ACOT7: variants seen among roughly 807,000 people sequenced by gnomAD.
The protein encoded by ACOT7 is cytosolic acyl coenzyme A thioester hydrolase.
A neutral mutation model predicts 40.2 loss-of-function variants in ACOT7; 12 were observed. The observed-to-expected ratio is 0.30, with a 90% CI of 0.19 to 0.48. The LOEUF (loss-of-function observed/expected upper bound fraction) is 0.48, where lower values mean the gene tolerates loss of function less well. Ranked by LOEUF, ACOT7 falls within the 20% of genes least tolerant of loss-of-function variation. ACOT7 has a pLI of 0.99. For synonymous variants in ACOT7, 228 were observed against 219.5 expected (o/e 1.04, Z -0.34); for missense variants, 395 against 530.8 (o/e 0.74, Z 2.51).
Position 6,275,090 on chromosome 1 carries a change from AC to A in ACOT7, c.1014+6011del, listed in dbSNP as rs1218276196. Reference sequence around the variant, plus strand: ...ATGGGAAGCATCTGTGAGCAGACACACCAGCTCGCAGAGGGGTTGGCGTTCC... The same window carrying A: ...ATGGGAAGCATCTGTGAGCAGACACACAGCTCGCAGAGGGGTTGGCGTTCC... On this transcript the variant is annotated intron_variant, in intron 8 of 8. Coordinates refer to ENST00000361521, the MANE Select transcript of ACOT7 (RefSeq NM_007274.4). The surrounding 1 kb of genome is among the most constrained non-coding windows in gnomAD (Gnocchi z 5.6). Among the ~76,000 whole-genome samples the A allele has an allele frequency of 6.6e-6, 1 of 152,136 alleles. No homozygotes were observed. Among genetic ancestry groups the A allele is most frequent in the Non-Finnish European group, 1.5e-5 (1 of 68,006 alleles).
At chr1:6,285,097 G>T (rs762228202) in intron 7 of ACOT7, among the ~76,000 whole-genome samples, 1 of 152,214 alleles carries the variant, frequency 6.6e-6, no homozygotes, top group African/African-American at 2.4e-5. Flanking sequence ...GAAGTCCCAC[G>T]AGGGCAGGGC....
intron 6 of ACOT7, among the ~76,000 whole-genome samples, chr1:6,305,109 G>T (rs1263768792): frequency 8.3e-5 from 12 of 144,964 alleles, no homozygotes; most frequent in South Asian, 2.2e-4. Flanking sequence ...GGGGCGGCTG[G>T]CCGGGCAGAG....
Position 6,303,841 on chromosome 1 carries a change from T to C in ACOT7, c.713-8861A>G, listed in dbSNP as rs141915774. On this transcript the variant is annotated intron_variant, in intron 6 of 8. Transcript: ENST00000361521. The stretch of plus-strand genomic sequence containing the variant: ...GGTTCCCGGACGTCTGGGAGCATCA[T>C]AGACCCAGGGAGAAGGGCCAAGAGC... 3.8e-3 allele frequency among the ~76,000 whole-genome samples: 571 copies of C among 152,250 alleles called. 4 individuals are homozygous for C. The highest frequency in any genetic ancestry group is 0.013 in the African/African-American group (541 of 41,542).
rs934949282 is a variant in ACOT7, at chr1:6,306,510, C to T, written c.713-11530G>A. 4 of 985,236 alleles carry T rather than the reference C, an allele frequency of 4.1e-6. No homozygotes were observed. The highest frequency in any genetic ancestry group is 3.6e-6 in the Non-Finnish European group (3 of 829,932). The allele number at this position is 985,236 out of a possible 1,614,324, so 61.0% of individuals were successfully genotyped here. ...CACCAGTCCCCACGTCCCGCTCCCCCGCTGAAGCATCAGGATGGACGTGAA... is the reference window on the plus strand; with the variant it reads ...CACCAGTCCCCACGTCCCGCTCCCCTGCTGAAGCATCAGGATGGACGTGAA... On this transcript the variant is annotated intron_variant, in intron 6 of 8. Coordinates refer to ENST00000361521, the MANE Select transcript of ACOT7 (RefSeq NM_007274.4). This position sits in a 1 kb window ranked among gnomAD's most constrained non-coding sequence, Gnocchi z 4.3.
At chr1:6,365,463 C>A (rs1019588669) in intron 1 of ACOT7, among the ~76,000 whole-genome samples, 2 of 151,978 alleles carry the variant, frequency 1.3e-5, no homozygotes, top group Non-Finnish European at 2.9e-5. Flanking sequence ...AAAGTATATA[C>A]CTTCATTTAA....
chr1:6,265,195 C>G (rs1638785667), intron 8 of ACOT7, among the ~76,000 whole-genome samples: 1 of 152,168 alleles, frequency 6.6e-6, no homozygotes, highest in African/African-American at 2.4e-5. Flanking sequence ...GAAAGCTGCA[C>G]ACAGTCACCA....
At chr1:6,353,228 A>G (rs1212900113) in intron 1 of ACOT7, among the ~76,000 whole-genome samples, 1 of 151,910 alleles carries the variant, frequency 6.6e-6, no homozygotes, top group Non-Finnish European at 1.5e-5. Flanking sequence ...CTGAGGTAGG[A>G]GGATCACTTG....
rs995464075 is a variant in ACOT7, at chr1:6,358,138, A to G, written c.144-8272T>C. On this transcript the variant is annotated intron_variant, in intron 1 of 8. Coordinates refer to ENST00000361521, the MANE Select transcript of ACOT7 (RefSeq NM_007274.4). The surrounding 1 kb of genome is among the most constrained non-coding windows in gnomAD (Gnocchi z 4.1). ...CCTGCCTCGGCCTCCCAAAGTGCTG[A>G]GATTACAGGCGTGAGTCACAGAGTC... 3.3e-4 allele frequency among the ~76,000 whole-genome samples: 50 copies of G among 151,778 alleles called. 1 individual carries two copies. The highest frequency in any genetic ancestry group is 3.3e-3 in the Admixed American group (50 of 15,236).
intron 4 of ACOT7, among the ~76,000 whole-genome samples, chr1:6,329,728 G>A (rs1222003647): frequency 6.6e-6 from 1 of 151,958 alleles, no homozygotes; most frequent in East Asian, 1.9e-4. Flanking sequence ...AAACCCAACT[G>A]ATCTGAAGCA....
chr1:6,342,412 C>T (rs575154963), intron 2 of ACOT7, among the ~76,000 whole-genome samples: 3 of 152,286 alleles, frequency 2.0e-5, no homozygotes, highest in African/African-American at 7.2e-5. Context: ...GAAAGACTTC[C>T]TTATCCTTTC....
chr1:6,266,867 A>G (rs1050849438), intron 8 of ACOT7, among the ~76,000 whole-genome samples: 2 of 152,232 alleles, frequency 1.3e-5, no homozygotes, highest in African/African-American at 4.8e-5. Flanking sequence ...GCGACAAGGC[A>G]ACAGGACCTG....
At chr1:6,286,142 G>A (rs927522637) in intron 7 of ACOT7, among the ~76,000 whole-genome samples, 32 of 152,336 alleles carry the variant, frequency 2.1e-4, no homozygotes, top group African/African-American at 7.5e-4. Context: ...TGCTGCCTTG[G>A]GATGGCTCCA....
intron 1 of ACOT7, among the ~76,000 whole-genome samples, chr1:6,364,293 G>C (rs936078622): frequency 2.6e-5 from 4 of 152,118 alleles, no homozygotes; most frequent in Non-Finnish European, 5.9e-5. Flanking sequence ...TGTAATCCCA[G>C]CACTTTGGGA....
chr1:6,382,232 C>T (rs1232711041), intron 1 of ACOT7, among the ~76,000 whole-genome samples: 1 of 151,444 alleles, frequency 6.6e-6, no homozygotes, highest in Non-Finnish European at 1.5e-5. Flanking sequence ...GGGGAAACCC[C>T]GTCTCTACTA....
intron 4 of ACOT7, among the ~76,000 whole-genome samples, chr1:6,328,780 C>T (rs746298001): frequency 7.9e-5 from 12 of 152,346 alleles, no homozygotes; most frequent in Non-Finnish European, 1.3e-4. Flanking sequence ...ATTTCTTGGA[C>T]GTAACAGACG....
At chr1:6,292,702 G>A (rs1204977727) in intron 7 of ACOT7, among the ~76,000 whole-genome samples, 3 of 142,688 alleles carry the variant, frequency 2.1e-5, no homozygotes, top group Non-Finnish European at 4.5e-5. Context: ...TTTTTTTTGC[G>A]ACAGATTCTT....
Position 6,333,589 on chromosome 1 carries a change from T to C in ACOT7, c.419-21A>G, listed in dbSNP as rs371496601. The C allele has an allele frequency of 1.1e-5, 18 of 1,612,726 alleles. No homozygotes were observed. In the Admixed American group the frequency reaches 1.7e-4, roughly 15 times the overall value. ...GGCACCTTAAGAGAAGAAAATCACA[T>C]TAAGTGACGCCCGGGAGACGGGGTG... On this transcript the variant is annotated intron_variant, in intron 3 of 8. Coordinates refer to ENST00000361521, the MANE Select transcript of ACOT7 (RefSeq NM_007274.4).
At chr1:6,378,346 C>G (rs971233200) in intron 1 of ACOT7, among the ~76,000 whole-genome samples, 3 of 151,846 alleles carry the variant, frequency 2.0e-5, no homozygotes, top group Non-Finnish European at 2.9e-5. Context: ...CCCAGTGATA[C>G]ATTTTACAGC....
intron 6 of ACOT7, among the ~76,000 whole-genome samples, chr1:6,302,126 C>T (rs530398883): frequency 3.4e-4 from 52 of 152,254 alleles, no homozygotes; most frequent in Middle Eastern, 3.4e-3. Flanking sequence ...CAGTGACTCA[C>T]GAGCGGTGGG....
Sources: allele counts gnomAD v4.1 joint callset (sites outside exome capture counted in the v4.1 genomes callset), GRCh38; gene constraint gnomAD v4.1.1; non-coding constraint Gnocchi (gnomAD v3.1); transcripts MANE v1.5; gene names NCBI Gene and HGNC (gene_info 2026-07-23, HGNC 2026-07-21).